The following PLA2G4A variants were observed in gnomAD, a reference collection of about 807,000 sequenced individuals.
PLA2G4A encodes cytosolic phospholipase A2.
A neutral mutation model predicts 81.9 loss-of-function variants in PLA2G4A; 40 were observed. The observed-to-expected ratio is 0.49, with a 90% CI of 0.38 to 0.64. PLA2G4A has a LOEUF of 0.64. PLA2G4A is among the 30% of genes least tolerant of loss of function. The pLI, the probability that PLA2G4A is intolerant of heterozygous loss-of-function variation, is 0.00. For missense variants in PLA2G4A, 715 were observed against 905.1 expected, an observed-to-expected ratio of 0.79 and a Z score of 2.69; for synonymous variants, 302 against 296.9, an observed-to-expected ratio of 1.02 and a Z score of -0.18.
At chr1:186,973,495 A>T (rs1657431710) in intron 15 of PLA2G4A, among the ~76,000 whole-genome samples, 1 of 152,222 alleles carries the variant, frequency 6.6e-6, no homozygotes, top group South Asian at 2.1e-4. Context: ...CACAGGGCCG[A>T]GGGATTAGGA....
At chr1:186,964,169 C>T (rs1258152118) in intron 14 of PLA2G4A, among the ~76,000 whole-genome samples, 1 of 152,150 alleles carries the variant, frequency 6.6e-6, no homozygotes, top group African/African-American at 2.4e-5. Flanking sequence ...ATAGGCCTCC[C>T]TCTTGGGCTT....
chr1:186,940,419 A>G (rs2102220757), intron 10 of PLA2G4A, among the ~76,000 whole-genome samples: 1 of 152,256 alleles, frequency 6.6e-6, no homozygotes, highest in Non-Finnish European at 1.5e-5. Context: ...AGGTAGTGCA[A>G]ATTGTTTTAC....
At chr1:186,902,902 A>G (rs1021758152) in intron 5 of PLA2G4A, among the ~76,000 whole-genome samples, 3 of 151,804 alleles carry the variant, frequency 2.0e-5, no homozygotes, top group Non-Finnish European at 4.4e-5. Flanking sequence ...AAGAAAAAAG[A>G]AAAGAAAAAG....
intron 5 of PLA2G4A, among the ~76,000 whole-genome samples, chr1:186,902,198 A>AGAT (rs1654565337): frequency 1.3e-5 from 2 of 152,216 alleles, no homozygotes; most frequent in Non-Finnish European, 2.9e-5. Context: ...AACGTACAAA[A>AGAT]GATACAATAA....
chr1:186,972,471 G>A (rs552014014), intron 15 of PLA2G4A, among the ~76,000 whole-genome samples: 21 of 152,192 alleles, frequency 1.4e-4, no homozygotes, highest in South Asian at 4.2e-4. Context: ...GGGTTTTGTC[G>A]GGGAGCAAGA....
intron 14 of PLA2G4A, among the ~76,000 whole-genome samples, chr1:186,961,456 A>G (rs532499122): frequency 1.1e-4 from 16 of 151,952 alleles, no homozygotes; most frequent in Non-Finnish European, 2.1e-4. Context: ...CCCCATAAAT[A>G]TACGCAATTA....
intron 16 of PLA2G4A, 84 bp downstream of exon 16, chr1:186,977,872 G>T: frequency 1.1e-6 from 1 of 874,884 alleles, no homozygotes; most frequent in Non-Finnish European, 2.0e-6. Flanking sequence ...CTCTGTCACT[G>T]CTGTACCAGC....
intron 3 of PLA2G4A, chr1:186,870,743 G>A (rs1243697059): frequency 1.2e-5 from 18 of 1,541,872 alleles, no homozygotes; most frequent in South Asian, 4.7e-5. Context: ...TTGGTGACAT[G>A]CGTAAGAGTG....
chr1:186,978,744 T>G (rs1238951080), intron 16 of PLA2G4A, among the ~76,000 whole-genome samples: 5 of 152,174 alleles, frequency 3.3e-5, no homozygotes, highest in Non-Finnish European at 7.3e-5. Flanking sequence ...AGAAACTAAT[T>G]CTGAGAAAAG....
At position 186,915,512 on chromosome 1, in the gene PLA2G4A, G is replaced by T. The variant is rs1655105718; in HGVS notation, c.558+4123G>T. On this transcript the variant is annotated intron_variant, in intron 7 of 17. Transcript: ENST00000367466. ...TTCATTATCTTTCTAATTTTTTATA[G>T]CTATGCTTCTCTTTTCACGGAAAGC... Among the ~76,000 whole-genome samples, 9 of 152,216 alleles carry T rather than the reference G, an allele frequency of 5.9e-5. No homozygotes were observed. In the South Asian group the frequency reaches 1.9e-3, roughly 32 times the overall value.
At chr1:186,881,913 C>T (rs1653748048) in intron 3 of PLA2G4A, among the ~76,000 whole-genome samples, 1 of 152,002 alleles carries the variant, frequency 6.6e-6, no homozygotes, top group African/African-American at 2.4e-5. Flanking sequence ...TCATGTGAGA[C>T]TCTTGGACAC....
At chr1:186,928,564 C>T (rs1350599709) in intron 7 of PLA2G4A, among the ~76,000 whole-genome samples, 1 of 152,162 alleles carries the variant, frequency 6.6e-6, no homozygotes, top group East Asian at 1.9e-4. Flanking sequence ...GGCTGGTCTC[C>T]ACAATGGTGT....
intron 8 of PLA2G4A, among the ~76,000 whole-genome samples, chr1:186,933,866 T>C (rs1366857572): frequency 6.6e-6 from 1 of 152,128 alleles, no homozygotes; most frequent in Non-Finnish European, 1.5e-5. Flanking sequence ...TCATTCTGAG[T>C]TCTTTCTACT....
At chr1:186,940,232 T>C (rs978513455) in intron 10 of PLA2G4A, 138 bp downstream of exon 10, 5 of 668,416 alleles carry the variant, frequency 7.5e-6, no homozygotes, top group Non-Finnish European at 1.4e-5. Flanking sequence ...TTTGAAGATA[T>C]AAGAAAATAT....
rs556680263 is a variant in PLA2G4A at position 186,955,599 on chromosome 1, T to A, written c.1337-503T>A. ...GAGAATATACCCCTTACACGCACTG[T>A]AGGTAAAAGGAGAACTAAGAACAAA... On this transcript the variant is annotated intron_variant, in intron 13 of 17. Coordinates refer to ENST00000367466, the MANE Select transcript of PLA2G4A (RefSeq NM_024420.3). Among the ~76,000 whole-genome samples the A allele has an allele frequency of 1.4e-4, 21 of 152,230 alleles. No homozygotes were observed. In the South Asian group the frequency reaches 4.1e-3, roughly 30 times the overall value.
intron 1 of PLA2G4A, among the ~76,000 whole-genome samples, chr1:186,832,716 A>G (rs1313902962): frequency 1.3e-5 from 2 of 152,208 alleles, no homozygotes; most frequent in Non-Finnish European, 2.9e-5. Flanking sequence ...GTGATTTAAA[A>G]AATTTTTCTC....
chr1:186,906,664 A>G (rs567403095), intron 5 of PLA2G4A, among the ~76,000 whole-genome samples: 2 of 152,310 alleles, frequency 1.3e-5, no homozygotes, highest in South Asian at 4.1e-4. Flanking sequence ...TATATTTTGT[A>G]AATAGTAGTT....
chr1:186,904,860 T>TATA lies in PLA2G4A; in HGVS notation c.379-2105_379-2104insATA, dbSNP rs111937162. 1.4e-4 allele frequency among the ~76,000 whole-genome samples: 21 copies of TATA among 149,302 alleles called. 1 individual carries two copies. The East Asian group carries it at 1.6e-3, about 11-fold the overall frequency. ...ACAAACAGGCAGGGATATATATATA[T>TATA]TTTTTTTTTTGAGACAGAATTTTCA... On this transcript the variant is annotated intron_variant, in intron 5 of 17. Transcript: ENST00000367466.
Position 186,949,395 on chromosome 1 carries a change from AAAAAGAAAG to A in PLA2G4A, c.1265-1259_1265-1251del, listed in dbSNP as rs1435360315. On this transcript the variant is annotated intron_variant, in intron 12 of 17. Transcript: ENST00000367466. ...GAAAAGAAAGAAAGAAAGAAAAAAGAAAAAGAAAGAAGAAAGAAAGAAAGGCAATAGAAA... is the reference window on the plus strand; with the variant it reads ...GAAAAGAAAGAAAGAAAGAAAAAAGAAAGAAAGAAAGAAAGGCAATAGAAA... Among the ~76,000 whole-genome samples the A allele has an allele frequency of 2.4e-3, 43 of 18,006 alleles. No individual in the cohort carries two copies. In the South Asian group the frequency reaches 0.11, roughly 47 times the overall value. 11.8% of individuals were successfully genotyped at this position (18,006 alleles called of 152,430 possible). A position where few individuals can be genotyped will look rare whatever the true frequency, so the allele number is the denominator to read the frequency against.
Sources: gnomAD v4.1 joint callset for allele counts (sites outside exome capture counted in the v4.1 genomes callset) on GRCh38, gnomAD v4.1.1 for gene constraint, MANE v1.5 for transcripts, NCBI Gene and HGNC (gene_info 2026-07-23, HGNC 2026-07-21) for gene names.